Variants in GPHN observed in about 807,000 individuals in gnomAD.
The protein encoded by GPHN is gephyrin.
GPHN carries 17 observed loss-of-function variants against 95.5 expected under a neutral mutation model. That is an observed-to-expected ratio of 0.18 (90% CI 0.12 to 0.27). The LOEUF (loss-of-function observed/expected upper bound fraction) is 0.27, where lower values mean the gene tolerates loss of function less well. Among genes scored for constraint, GPHN ranks in the 10% least tolerant of loss-of-function variants. The pLI, the probability that GPHN is intolerant of heterozygous loss-of-function variation, is 1.00. For missense variants in GPHN, 660 were observed against 978.1 expected (o/e 0.67, Z 4.34); for synonymous variants, 320 against 322.5 (o/e 0.99, Z 0.08).
intron 10 of GPHN, among the ~76,000 whole-genome samples, chr14:67,029,313 G>A (rs2153629773): frequency 6.6e-6 from 1 of 151,560 alleles, no homozygotes; most frequent in Non-Finnish European, 1.5e-5. Context: ...TAGTATACTG[G>A]TGGTACTTCT....
At chr14:66,612,683 T>G (rs1336953689) in intron 1 of GPHN, among the ~76,000 whole-genome samples, 3 of 152,048 alleles carry the variant, frequency 2.0e-5, no homozygotes, top group Non-Finnish European at 4.4e-5. Flanking sequence ...AGATAGAATG[T>G]TTCTTTCTCT....
chr14:66,519,037 T>C (rs1237999243), intron 1 of GPHN, among the ~76,000 whole-genome samples: 1 of 152,036 alleles, frequency 6.6e-6, no homozygotes, highest in Non-Finnish European at 1.5e-5. Flanking sequence ...ATATTAATTA[T>C]CTAATCTGAT....
At chr14:67,645,769 A>G in the GPHN span, 1 of 1,614,084 alleles carries the variant, frequency 6.2e-7, no homozygotes, top group Non-Finnish European at 8.5e-7. Flanking sequence ...ATGGACAGCC[A>G]GTTTCATTTC....
intron 5 of GPHN, among the ~76,000 whole-genome samples, chr14:66,892,032 G>A (rs2153541209): frequency 6.6e-6 from 1 of 152,250 alleles, no homozygotes; most frequent in Admixed American, 6.5e-5. Context: ...ATGTAAAACT[G>A]TGCAACTGCT....
chr14:67,138,421 A>T (rs1341133001), intron 17 of GPHN, among the ~76,000 whole-genome samples: 1 of 152,164 alleles, frequency 6.6e-6, no homozygotes, highest in Non-Finnish European at 1.5e-5. Flanking sequence ...TTATGTGAGA[A>T]AACTGAGAAA....
chr14:67,452,213 C>G, the GPHN span, among the ~76,000 whole-genome samples: 1 of 151,724 alleles, frequency 6.6e-6, no homozygotes, highest in African/African-American at 2.4e-5. Context: ...ACACCAGCTA[C>G]TTGGGAAGCT....
intron 18 of GPHN, among the ~76,000 whole-genome samples, chr14:67,149,780 A>G (rs910246128): frequency 1.3e-5 from 2 of 152,188 alleles, no homozygotes; most frequent in African/African-American, 4.8e-5. Flanking sequence ...GCTCATAAAC[A>G]CAAAGAACAC....
chr14:67,514,500 C>T, the GPHN span, among the ~76,000 whole-genome samples: 8 of 152,054 alleles, frequency 5.3e-5, no homozygotes, highest in East Asian at 1.6e-3. Flanking sequence ...GAGTGGAGGG[C>T]GCCTAGGTGT....
chr14:67,169,594 C>T (rs1255275841), intron 21 of GPHN, among the ~76,000 whole-genome samples: 1 of 152,156 alleles, frequency 6.6e-6, no homozygotes, highest in Non-Finnish European at 1.5e-5. Flanking sequence ...CCTTCTCCAC[C>T]AACACTAACT....
chr14:67,531,366 C>T, the GPHN span, among the ~76,000 whole-genome samples: 1 of 152,122 alleles, frequency 6.6e-6, no homozygotes, highest in Non-Finnish European at 1.5e-5. Context: ...GAAACTCAAG[C>T]CTCCTAAATT....
chr14:67,418,946 A>G, the GPHN span, among the ~76,000 whole-genome samples: 1 of 152,180 alleles, frequency 6.6e-6, no homozygotes, highest in Non-Finnish European at 1.5e-5. Context: ...ATGAGAGCCC[A>G]GACCCATTGC....
Position 67,045,529 on chromosome 14 carries a change from A to G in GPHN, c.1007-13120A>G, listed in dbSNP as rs2074966495. Among the ~76,000 whole-genome samples, 3 of 118,168 alleles carry G rather than the reference A, an allele frequency of 2.5e-5. No homozygotes were observed. The Admixed American group carries it at 2.5e-4, about 10-fold the overall frequency. The allele number at this position is 118,168 out of a possible 152,430, so 77.5% of individuals were successfully genotyped here. On this transcript the variant is annotated intron_variant, in intron 10 of 22. Transcript: ENST00000478722. ...TTTCTCTGTCTGTCTCTCTCTGTGTATTTGTCTCTCTGTGTGTGTCTCTCT... is the reference window on the plus strand; with the variant it reads ...TTTCTCTGTCTGTCTCTCTCTGTGTGTTTGTCTCTCTGTGTGTGTCTCTCT...
chr14:67,714,293 G>A, the GPHN span, among the ~76,000 whole-genome samples: 2 of 151,822 alleles, frequency 1.3e-5, no homozygotes, highest in African/African-American at 4.8e-5. Flanking sequence ...GCACTCCATG[G>A]CCAGCTAATT....
Position 66,517,944 on chromosome 14 carries a change from T to C in GPHN, c.64+9353T>C, listed in dbSNP as rs546559207. Among the ~76,000 whole-genome samples, 4 of 152,042 alleles carry C rather than the reference T, an allele frequency of 2.6e-5. No homozygotes were observed. In the South Asian group the frequency reaches 8.3e-4, roughly 32 times the overall value. ...AAAAAAGCAAAAATAAACAAGTGGATTATAGTAAACTAAAAAGCTTTTATA... is the reference window on the plus strand; with the variant it reads ...AAAAAAGCAAAAATAAACAAGTGGACTATAGTAAACTAAAAAGCTTTTATA... On this transcript the variant is annotated intron_variant, in intron 1 of 22. Transcript: ENST00000478722.
At chr14:67,112,210 A>C (rs1454454862) in intron 15 of GPHN, among the ~76,000 whole-genome samples, 1 of 152,202 alleles carries the variant, frequency 6.6e-6, no homozygotes, top group African/African-American at 2.4e-5. Context: ...AGAATTACCC[A>C]ATCCCATCCC....
chr14:67,654,222 T>A, the GPHN span, among the ~76,000 whole-genome samples: 3 of 152,140 alleles, frequency 2.0e-5, no homozygotes, highest in Non-Finnish European at 4.4e-5. Flanking sequence ...TAACCCCACA[T>A]GTCCCCAAGT....
chr14:67,198,318 C>T, the GPHN span: 1 of 1,610,648 alleles, frequency 6.2e-7, no homozygotes, highest in East Asian at 2.2e-5. Flanking sequence ...CAATTTTATC[C>T]AGGTAAATCA....
downstream of GPHN, among the ~76,000 whole-genome samples, chr14:67,185,533 ATACT>A (rs764867867): frequency 7.2e-5 from 11 of 152,350 alleles, no homozygotes; most frequent in Admixed American, 2.0e-4. Flanking sequence ...TCAGTAGTTG[ATACT>A]TACATAAAAG....
At chr14:67,155,886 C>T (rs2081553873) in intron 18 of GPHN, among the ~76,000 whole-genome samples, 1 of 151,812 alleles carries the variant, frequency 6.6e-6, no homozygotes, top group Non-Finnish European at 1.5e-5. Context: ...ACATTGCCTT[C>T]AAAGGAGCAA....
Sources: allele counts gnomAD v4.1 joint callset (sites outside exome capture counted in the v4.1 genomes callset), GRCh38; gene constraint gnomAD v4.1.1; transcripts MANE v1.5; gene names NCBI Gene and HGNC (gene_info 2026-07-23, HGNC 2026-07-21).